Variants in CNOT6 observed in about 807,000 individuals in gnomAD.
The protein encoded by CNOT6 is CCR4-NOT transcription complex subunit 6, also known as carbon catabolite repression 4 protein.
In CNOT6, 12 loss-of-function variants were observed where a neutral mutation model predicts 61.2. The observed-to-expected ratio is 0.20, with a 90% CI of 0.13 to 0.32. CNOT6 has a LOEUF of 0.32. Ranked by LOEUF, CNOT6 falls within the 10% of genes least tolerant of loss-of-function variation. CNOT6 has a pLI of 1.00. For synonymous variants in CNOT6, 225 were observed against 240.6 expected (o/e 0.94, Z 0.60); for missense variants, 405 against 663.9 (o/e 0.61, Z 4.28).
chr5:180,525,139 A>G (rs902390548), intron 1 of CNOT6, among the ~76,000 whole-genome samples: 2 of 152,228 alleles, frequency 1.3e-5, no homozygotes, highest in African/African-American at 4.8e-5. Flanking sequence ...AAACTAACGT[A>G]TAAGACCAGT....
chr5:180,563,247 G>C (rs1000957154), intron 4 of CNOT6, among the ~76,000 whole-genome samples: 2 of 143,282 alleles, frequency 1.4e-5, no homozygotes, highest in Admixed American at 7.2e-5. Context: ...ACAGAGTCTC[G>C]CTCTGTTGCC....
At chr5:180,567,324 A>G in intron 8 of CNOT6, 82 bp downstream of exon 8, 1 of 1,164,394 alleles carries the variant, frequency 8.6e-7, no homozygotes, top group Non-Finnish European at 1.2e-6. Context: ...TAATTGGCAA[A>G]TGAGAGAATG....
intron 1 of CNOT6, among the ~76,000 whole-genome samples, chr5:180,519,360 T>C (rs747290424): frequency 3.3e-5 from 5 of 152,190 alleles, no homozygotes; most frequent in Admixed American, 6.5e-5. Context: ...AGCTTGACAT[T>C]AGTCACTCCA....
intron 1 of CNOT6, among the ~76,000 whole-genome samples, 162 bp from the exon 2 acceptor site, chr5:180,529,113 G>A (rs1217569797): frequency 1.3e-5 from 2 of 151,520 alleles, no homozygotes; most frequent in Admixed American, 6.6e-5. Flanking sequence ...GGAGGCTGAG[G>A]CAGAAGAATT....
chr5:180,522,825 C>T (rs1757938320), intron 1 of CNOT6, among the ~76,000 whole-genome samples: 1 of 152,150 alleles, frequency 6.6e-6, no homozygotes, highest in Non-Finnish European at 1.5e-5. Context: ...CTGCGCTGTT[C>T]CTCACCCTGT....
chr5:180,539,300 A>C (rs1758892145), intron 2 of CNOT6, among the ~76,000 whole-genome samples: 1 of 151,554 alleles, frequency 6.6e-6, no homozygotes. Context: ...ACAAACAAAA[A>C]AAAACTGCAT....
At chr5:180,514,303 T>C (rs574203434) in intron 1 of CNOT6, among the ~76,000 whole-genome samples, 2 of 152,192 alleles carry the variant, frequency 1.3e-5, no homozygotes, top group South Asian at 4.2e-4. Context: ...GCGCCTGTAA[T>C]CCCATCTACT....
At chr5:180,520,619 C>G (rs1051961636) in intron 1 of CNOT6, among the ~76,000 whole-genome samples, 1 of 151,716 alleles carries the variant, frequency 6.6e-6, no homozygotes, top group African/African-American at 2.4e-5. Flanking sequence ...TCCAGCCTGG[C>G]GACAGAGCGA....
At chr5:180,556,955 C>CA (rs559541607) in intron 4 of CNOT6, among the ~76,000 whole-genome samples, 4,579 of 99,188 alleles carry the variant, frequency 0.046, 72 homozygotes, top group African/African-American at 0.061. Context: ...GACTCCGTCT[C>CA]AAAAAAAAAA....
chr5:180,555,357 C>T (rs927044027), intron 4 of CNOT6, among the ~76,000 whole-genome samples: 2 of 152,168 alleles, frequency 1.3e-5, no homozygotes, highest in Admixed American at 1.3e-4. Context: ...AGTGTAAATG[C>T]CTGCAGCAGT....
intron 1 of CNOT6, among the ~76,000 whole-genome samples, chr5:180,524,137 C>A (rs529393477): frequency 6.6e-6 from 1 of 152,040 alleles, no homozygotes; most frequent in Non-Finnish European, 1.5e-5. Flanking sequence ...GTGCTATATG[C>A]CTGCTGACTC....
rs758926242 is a variant in CNOT6, at chr5:180,564,661, T to C, written c.491-14T>C. 2 of 1,613,122 alleles carry C rather than the reference T, an allele frequency of 1.2e-6. No individual in the cohort carries two copies. Among genetic ancestry groups the C allele is most frequent in the Non-Finnish European group, 8.5e-7 (1 of 1,179,086 alleles). On this transcript the variant is annotated splice_polypyrimidine_tract_variant and intron_variant, in intron 5 of 11. Transcript: ENST00000261951. ...TAAGAATATTGCTTAATTCTGTATT[T>C]TCTATTCAACTAGTTACAACAGAAC...
intron 4 of CNOT6, among the ~76,000 whole-genome samples, chr5:180,554,571 C>T (rs1013120794): frequency 1.4e-5 from 2 of 144,468 alleles, no homozygotes; most frequent in Admixed American, 7.3e-5. Context: ...AAGTCATATT[C>T]AACAGATATC....
At chr5:180,543,536 G>C (rs11249723) in intron 2 of CNOT6, among the ~76,000 whole-genome samples, 1 of 151,862 alleles carries the variant, frequency 6.6e-6, no homozygotes, top group African/African-American at 2.4e-5. Context: ...ATTCATGATC[G>C]TTTATATTTC....
In CNOT6 at chr5:180,564,724, A is replaced by G. The variant is rs769988458; in HGVS notation, c.540A>G (p.Pro180=). The change falls in exon 6 of 12, where the codon CCA becomes CCG. Residue 180 remains proline (P), a synonymous_variant. Transcript: ENST00000261951. ...PPRSWIMLQE[P]DRTRPTALFS... is the part of the protein sequence containing the mutation. Reference sequence around the variant, plus strand: ...GGTCTTGGATTATGTTACAAGAACCAGATAGGACAAGGCCAACTGGTTGGT... The same window carrying G: ...GGTCTTGGATTATGTTACAAGAACCGGATAGGACAAGGCCAACTGGTTGGT... 3 of 1,613,850 alleles carry G rather than the reference A, an allele frequency of 1.9e-6. No individual in the cohort carries two copies. Among genetic ancestry groups the G allele is most frequent in the South Asian group, 2.2e-5 (2 of 91,076 alleles).
Position 180,567,846 on chromosome 5 carries a change from T to C in CNOT6, c.873-3T>C. ...GTGTGTGTGTGTGTTGTTTTTGTTTTAGATTTACTTTGGTTCAGAAACACA... is the reference window on the plus strand; with the variant it reads ...GTGTGTGTGTGTGTTGTTTTTGTTTCAGATTTACTTTGGTTCAGAAACACA... On this transcript the variant is annotated splice_region_variant and splice_polypyrimidine_tract_variant and intron_variant, in intron 8 of 11. Transcript: ENST00000261951. 3 of 1,614,142 alleles carry C rather than the reference T, an allele frequency of 1.9e-6. No individual in the cohort carries two copies. The highest frequency in any genetic ancestry group is 2.5e-6 in the Non-Finnish European group (3 of 1,180,020).
chr5:180,557,562 A>G (rs1208899102), intron 4 of CNOT6, among the ~76,000 whole-genome samples: 1 of 152,066 alleles, frequency 6.6e-6, no homozygotes, highest in Non-Finnish European at 1.5e-5. Flanking sequence ...TCCATGTTCT[A>G]ATTAGATTAT....
chr5:180,528,460 G>A (rs1758200319), intron 1 of CNOT6, among the ~76,000 whole-genome samples: 1 of 151,974 alleles, frequency 6.6e-6, no homozygotes, highest in Non-Finnish European at 1.5e-5. Flanking sequence ...ACAGGCGCCT[G>A]CCACCATGCC....
At chr5:180,512,390 A>G (rs1757434716) in intron 1 of CNOT6, among the ~76,000 whole-genome samples, 1 of 152,214 alleles carries the variant, frequency 6.6e-6, no homozygotes, top group Non-Finnish European at 1.5e-5. Flanking sequence ...TTTGTCTGCC[A>G]GTTGCATCAA....
Sources: gnomAD v4.1 joint callset for allele counts (sites outside exome capture counted in the v4.1 genomes callset) on GRCh38, gnomAD v4.1.1 for gene constraint, MANE v1.5 for transcripts, NCBI Gene and HGNC (gene_info 2026-07-23, HGNC 2026-07-21) for gene names.